MIPOL1: variants seen among roughly 807,000 people sequenced by gnomAD.
The protein encoded by MIPOL1 is mirror-image polydactyly gene 1 protein.
In MIPOL1, 57 loss-of-function variants were observed where a neutral mutation model predicts 60.9. The ratio of observed to expected loss-of-function variants is 0.94; its 90% CI spans 0.76 to 1.17. The LOEUF is 1.17. MIPOL1 is among the 50% of genes most tolerant of loss of function. The pLI is 0.00. For missense variants in MIPOL1, 551 were observed against 511.6 expected, an observed-to-expected ratio of 1.08 and a Z score of -0.74; for synonymous variants, 179 against 168.8, an observed-to-expected ratio of 1.06 and a Z score of -0.47.
Position 37,349,594 on chromosome 14 carries a change from T to C in MIPOL1, c.829-19923T>C, listed in dbSNP as rs1595301070. Among the ~76,000 whole-genome samples the C allele has an allele frequency of 3.3e-5, 5 of 152,336 alleles. No homozygotes were observed. The East Asian group carries it at 9.6e-4, about 29-fold the overall frequency. ...CCACTCCTTCCAAAGATATGCAAGA[T>C]TTACTGCTATATCTTCTTAGACTCT... On this transcript the variant is annotated intron_variant, in intron 9 of 12. Transcript: ENST00000684589.
Position 37,459,228 on chromosome 14 carries a change from G to A in MIPOL1, c.1031+36279G>A, listed in dbSNP as rs79267473. Among the ~76,000 whole-genome samples, 924 of 152,006 alleles carry A rather than the reference G, an allele frequency of 6.1e-3. 5 individuals carry two copies. Among genetic ancestry groups the A allele is most frequent in the African/African-American group, 0.02 (814 of 41,474 alleles). ...TGAATCAAAGAATCAACAAAATGAA[G>A]AGTTGGTTATTTGAAAAGAAAAACA... is the stretch of plus-strand genomic sequence containing the variant. On this transcript the variant is annotated intron_variant, in intron 11 of 12. Transcript: ENST00000684589.
At chr14:37,462,650 A>G (rs535212510) in intron 11 of MIPOL1, among the ~76,000 whole-genome samples, 20 of 152,246 alleles carry the variant, frequency 1.3e-4, no homozygotes, top group African/African-American at 3.9e-4. Context: ...CTGCTTAGAA[A>G]TTTCTTCCAC....
rs75541236 is a variant in MIPOL1, at chr14:37,229,551, C to A, written c.-198-17552C>A. Among the ~76,000 whole-genome samples the A allele has an allele frequency of 7.8e-4, 118 of 152,130 alleles. 2 individuals are homozygous for A. In the East Asian group the frequency reaches 0.022, roughly 28 times the overall value. ...GAATTAACATTACAGAGTAGCAGAC[C>A]AATTAACATTATTAAATTAAGTCAA... On this transcript the variant is annotated intron_variant, in intron 1 of 12. Coordinates refer to ENST00000684589, the MANE Select transcript of MIPOL1 (RefSeq NM_001388067.1).
intron 10 of MIPOL1, among the ~76,000 whole-genome samples, chr14:37,397,538 G>A (rs772163045): frequency 1.3e-5 from 2 of 152,162 alleles, no homozygotes; most frequent in Non-Finnish European, 2.9e-5. Context: ...GCAGTGGTCA[G>A]AGCCCTAAAA....
At chr14:37,312,469 C>T (rs999977613) in intron 9 of MIPOL1, among the ~76,000 whole-genome samples, 1 of 152,060 alleles carries the variant, frequency 6.6e-6, no homozygotes, top group African/African-American at 2.4e-5. Context: ...CTGTATAGTG[C>T]TAGGAGAACT....
At chr14:37,499,129 CTTTAT>C (rs939664880) in intron 11 of MIPOL1, among the ~76,000 whole-genome samples, 3 of 151,948 alleles carry the variant, frequency 2.0e-5, no homozygotes, top group Non-Finnish European at 4.4e-5. Context: ...TTCAAAATGT[CTTTAT>C]TTAATTGAGT....
At chr14:37,199,229 A>T (rs1964831434) in intron 1 of MIPOL1, among the ~76,000 whole-genome samples, 1 of 152,238 alleles carries the variant, frequency 6.6e-6, no homozygotes, top group Non-Finnish European at 1.5e-5. Context: ...AGATCAGGAA[A>T]GAGCATTATT....
At chr14:37,322,251 C>T (rs528964935) in intron 9 of MIPOL1, among the ~76,000 whole-genome samples, 2 of 152,100 alleles carry the variant, frequency 1.3e-5, no homozygotes, top group African/African-American at 4.8e-5. Flanking sequence ...CTACGTCTGA[C>T]AAGTGCATAC....
intron 11 of MIPOL1, among the ~76,000 whole-genome samples, chr14:37,494,247 A>G (rs1278098988): frequency 2.6e-5 from 4 of 152,214 alleles, no homozygotes; most frequent in Admixed American, 6.6e-5. Flanking sequence ...TGAAGTATTA[A>G]TATGTTAGAA....
At chr14:37,540,605 C>T (rs1327152924) in intron 12 of MIPOL1, among the ~76,000 whole-genome samples, 1 of 152,058 alleles carries the variant, frequency 6.6e-6, no homozygotes, top group Non-Finnish European at 1.5e-5. Flanking sequence ...GCTTCCTCCC[C>T]TCCCCATCTT....
chr14:37,331,253 C>G (rs1244910138), intron 9 of MIPOL1, among the ~76,000 whole-genome samples: 1 of 151,590 alleles, frequency 6.6e-6, no homozygotes, highest in African/African-American at 2.4e-5. Flanking sequence ...TCTTGTGACT[C>G]CATATCAATT....
intron 11 of MIPOL1, among the ~76,000 whole-genome samples, chr14:37,481,126 C>A (rs1356926389): frequency 6.6e-6 from 1 of 151,968 alleles, no homozygotes; most frequent in Non-Finnish European, 1.5e-5. Context: ...GGGTGGCAGA[C>A]AAAGATCCTC....
intron 10 of MIPOL1, among the ~76,000 whole-genome samples, chr14:37,384,307 T>C (rs1002128081): frequency 1.3e-5 from 2 of 151,400 alleles, no homozygotes; most frequent in Non-Finnish European, 2.9e-5. Flanking sequence ...TAGCCAAATA[T>C]TATATAGCTC....
At chr14:37,259,000 G>A (rs1975433809) in intron 3 of MIPOL1, among the ~76,000 whole-genome samples, 1 of 152,046 alleles carries the variant, frequency 6.6e-6, no homozygotes, top group South Asian at 2.1e-4. Flanking sequence ...TGTATCTAAG[G>A]TAAAATAATC....
chr14:37,478,772 A>G (rs962409596), intron 11 of MIPOL1, among the ~76,000 whole-genome samples: 3 of 152,180 alleles, frequency 2.0e-5, no homozygotes, highest in African/African-American at 7.2e-5. Flanking sequence ...CTATTCTTAG[A>G]CAATTTAATT....
At chr14:37,311,713 A>G (rs1433698758) in intron 9 of MIPOL1, among the ~76,000 whole-genome samples, 1 of 152,142 alleles carries the variant, frequency 6.6e-6, no homozygotes, top group Non-Finnish European at 1.5e-5. Context: ...CAGCTCCCAT[A>G]TATTACCCAG....
Position 37,547,917 on chromosome 14 carries a change from C to G in MIPOL1, c.*946C>G, listed in dbSNP as rs1852810351. 6.6e-6 allele frequency: 1 copy of G among 151,910 alleles called. No individual in the cohort carries two copies. Among genetic ancestry groups the G allele is most frequent in the South Asian group, 2.1e-4 (1 of 4,830 alleles). The allele number at this position is 151,910 out of a possible 1,614,324, so 9.4% of individuals were successfully genotyped here. A position where few individuals can be genotyped will look rare whatever the true frequency, so the allele number is the denominator to read the frequency against. Reference sequence around the variant, plus strand: ...ATATAAGAATTTAGAAAAAAGTAAACTTGCCATTTGGTTAAGGTTACCTGC... The same window carrying G: ...ATATAAGAATTTAGAAAAAAGTAAAGTTGCCATTTGGTTAAGGTTACCTGC... On this transcript the variant is annotated 3_prime_UTR_variant, in exon 13 of 13. Coordinates refer to ENST00000684589, the MANE Select transcript of MIPOL1 (RefSeq NM_001388067.1).
chr14:37,306,876 G>A (rs1466271432), intron 7 of MIPOL1, among the ~76,000 whole-genome samples: 3 of 151,724 alleles, frequency 2.0e-5, no homozygotes, highest in South Asian at 2.1e-4. Flanking sequence ...TTCTTGAAAC[G>A]TAAACCTAAG....
At chr14:37,378,961 A>T (rs1216671164) in intron 10 of MIPOL1, among the ~76,000 whole-genome samples, 1 of 152,138 alleles carries the variant, frequency 6.6e-6, no homozygotes, top group South Asian at 2.1e-4. Flanking sequence ...AGAAATTTAT[A>T]TCATTCATTA....
Sources: allele counts gnomAD v4.1 joint callset (sites outside exome capture counted in the v4.1 genomes callset), GRCh38; gene constraint gnomAD v4.1.1; transcripts MANE v1.5; gene names NCBI Gene and HGNC (gene_info 2026-07-23, HGNC 2026-07-21).